The following TRPM1 variants were observed in gnomAD, a reference collection of about 807,000 sequenced individuals.
The protein encoded by TRPM1 is transient receptor potential cation channel subfamily M member 1.
A neutral mutation model predicts 149.4 loss-of-function variants in TRPM1; 113 were observed. The ratio of observed to expected loss-of-function variants is 0.76; its 90% confidence interval spans 0.65 to 0.88. The LOEUF is 0.88. Ranked by LOEUF, TRPM1 falls within the 40% of genes least tolerant of loss-of-function variation. TRPM1 has a pLI of 0.00. For synonymous variants in TRPM1, 741 were observed against 759.5 expected, an observed-to-expected ratio of 0.98 and a Z score of 0.40; for missense variants, 1,976 against 2,038.7, an observed-to-expected ratio of 0.97 and a Z score of 0.59.
At chr15:31,142,798 T>C (rs1207062589) in intron 1 of TRPM1, among the ~76,000 whole-genome samples, 2 of 152,192 alleles carry the variant, frequency 1.3e-5, no homozygotes, top group Admixed American at 6.5e-5. Flanking sequence ...TTAGACTTAT[T>C]TGATATGTTA....
intron 1 of TRPM1, among the ~76,000 whole-genome samples, chr15:31,153,022 G>A (rs1460467132): frequency 6.6e-6 from 1 of 152,192 alleles, no homozygotes; most frequent in East Asian, 1.9e-4. Flanking sequence ...ATGACAGATA[G>A]CAGGCCCTGA....
At chr15:31,042,297 A>G in intron 16 of TRPM1, 54 bp from the exon 17 acceptor site, 5 of 1,540,050 alleles carry the variant, frequency 3.2e-6, no homozygotes, top group Non-Finnish European at 4.4e-6. Context: ...TGCAACAAAG[A>G]GTTCCAGAAC....
intron 1 of TRPM1, among the ~76,000 whole-genome samples, chr15:31,147,462 G>C (rs1188718408): frequency 1.3e-5 from 2 of 152,226 alleles, no homozygotes; most frequent in Admixed American, 6.5e-5. Context: ...GAATTTTCTA[G>C]TGAAGAGGCA....
At position 31,027,094 on chromosome 15, in the gene TRPM1, G is replaced by C. The variant is rs777337578; in HGVS notation, c.3317C>G (p.Ser1106Ter). ...GAACTTCCACACCTGGTTGGATATT[G>C]ATTTTACTTCAAAGAAGGTATTGCT... is the stretch of plus-strand genomic sequence containing the variant. ...VFNNTFFEVKSISNQVWKFQR... is the reference protein window; with the variant it reads ...VFNNTFFEVK Residue 1106 changes from serine to a stop codon, truncating the protein, a stop_gained, in exon 26 of 28, where the codon TCA becomes TGA. Coordinates refer to ENST00000256552, the MANE Select transcript of TRPM1 (RefSeq NM_001252024.2). LOFTEE classifies it high-confidence loss of function. The C allele has an allele frequency of 6.2e-7, 1 of 1,614,126 alleles. No homozygotes were observed. Among genetic ancestry groups the C allele is most frequent in the South Asian group, 1.1e-5 (1 of 91,080 alleles).
At chr15:31,082,925 T>C (rs2034900866) in intron 1 of TRPM1, among the ~76,000 whole-genome samples, 2 of 151,648 alleles carry the variant, frequency 1.3e-5, no homozygotes, top group African/African-American at 4.9e-5. Context: ...TGAAGGGTCA[T>C]GGGGGGCTTT....
chr15:31,082,927 G>A (rs1343404378), intron 1 of TRPM1, among the ~76,000 whole-genome samples: 1 of 152,106 alleles, frequency 6.6e-6, no homozygotes, highest in African/African-American at 2.4e-5. Flanking sequence ...AAGGGTCATG[G>A]GGGGCTTTAA....
intron 1 of TRPM1, among the ~76,000 whole-genome samples, chr15:31,125,505 C>T (rs530998095): frequency 1.3e-5 from 2 of 150,680 alleles, no homozygotes; most frequent in East Asian, 2.0e-4. Flanking sequence ...CCGAGGCGGG[C>T]GGATCACGAG....
Position 31,069,847 on chromosome 15 carries a change from A to G in TRPM1, c.279+184T>C, listed in dbSNP as rs776927303. ...CTAGATGTTCTTTACAGTGGTGTCC[A>G]GTTTCCAAGCCTCATGGCTAAAAGC... On this transcript the variant is annotated intron_variant, in intron 4 of 27. Transcript: ENST00000256552. 3.2e-5 allele frequency: 50 copies of G among 1,555,900 alleles called. 1 individual carries two copies. In the Admixed American group the frequency reaches 8.6e-4, roughly 27 times the overall value.
At chr15:31,019,412 T>C (rs570926679) in intron 27 of TRPM1, among the ~76,000 whole-genome samples, 14 of 152,308 alleles carry the variant, frequency 9.2e-5, no homozygotes, top group African/African-American at 2.9e-4. Flanking sequence ...TTTTTTTTGT[T>C]TGTTTTTGAG....
At chr15:31,078,660 G>A (rs565040135) in intron 2 of TRPM1, among the ~76,000 whole-genome samples, 6 of 152,282 alleles carry the variant, frequency 3.9e-5, no homozygotes, top group South Asian at 2.1e-4. Flanking sequence ...CTGAAGCCCC[G>A]CCCTGCCCTT....
At chr15:31,142,083 T>A (rs990293050) in intron 1 of TRPM1, among the ~76,000 whole-genome samples, 7 of 152,130 alleles carry the variant, frequency 4.6e-5, no homozygotes, top group South Asian at 2.1e-4. Context: ...TAAATGAAAA[T>A]TTTTAAAAAG....
At chr15:31,090,117 A>G (rs545418631) in intron 1 of TRPM1, among the ~76,000 whole-genome samples, 1 of 152,300 alleles carries the variant, frequency 6.6e-6, no homozygotes, top group East Asian at 1.9e-4. Flanking sequence ...AGTAACCCCC[A>G]TGAACACTGG....
Position 31,062,701 on chromosome 15 carries a change from T to C in TRPM1, c.967A>G (p.Ile323Val). The C allele has an allele frequency of 6.2e-7, 1 of 1,613,932 alleles. No homozygotes were observed. Among genetic ancestry groups the C allele is most frequent in the Non-Finnish European group, 8.5e-7 (1 of 1,179,992 alleles). Residue 323 changes from isoleucine to valine, a missense_variant and splice_region_variant, in exon 9 of 28, where the codon ATA becomes GTA. Physicochemically the swap from Ile to Val is conservative, Grantham distance 29. This residue lies in a region of TRPM1 where 1,332 missense variants were observed against 1,347.1 expected (regional missense o/e 0.99). Transcript: ENST00000256552. ...FAHKYCEEGG[I>V]INESLREQLL... ...TGCTCCCTGAGGGACTCATTTATTA[T>C]TCTGTTCAAAGAAAATGCAAGAGAA...
upstream of TRPM1, among the ~76,000 whole-genome samples, chr15:31,105,500 G>A (rs375476784): frequency 5.3e-5 from 8 of 152,032 alleles, no homozygotes; most frequent in East Asian, 1.2e-3. Context: ...CATCTGTAAA[G>A]AAAATGCATC....
At chr15:31,109,192 C>A (rs1333302721) in intron 1 of TRPM1, among the ~76,000 whole-genome samples, 1 of 151,728 alleles carries the variant, frequency 6.6e-6, no homozygotes, top group African/African-American at 2.4e-5. Flanking sequence ...TAATGGGCCA[C>A]GTGAGGTGGC....
At chr15:31,114,445 C>G (rs1201042960) in intron 1 of TRPM1, among the ~76,000 whole-genome samples, 1 of 152,140 alleles carries the variant, frequency 6.6e-6, no homozygotes, top group African/African-American at 2.4e-5. Context: ...GATTCCATAT[C>G]TTGCTGAAAG....
chr15:31,047,012 G>A (rs2033784672), intron 15 of TRPM1, 99 bp downstream of exon 15: 4 of 1,528,120 alleles, frequency 2.6e-6, no homozygotes, highest in African/African-American at 1.4e-5. Context: ...GGGACAGGGC[G>A]AAGGGCTTGG....
At chr15:31,090,044 A>G (rs904949790) in intron 1 of TRPM1, among the ~76,000 whole-genome samples, 4 of 152,244 alleles carry the variant, frequency 2.6e-5, no homozygotes, top group African/African-American at 9.6e-5. Flanking sequence ...AATTAAAAGT[A>G]TACGGAAATA....
At chr15:31,139,458 C>G (rs2036130804) in intron 1 of TRPM1, among the ~76,000 whole-genome samples, 1 of 152,090 alleles carries the variant, frequency 6.6e-6, no homozygotes, top group Non-Finnish European at 1.5e-5. Context: ...TAAGATCTGC[C>G]TCTGTCTGTG....
Sources: gnomAD v4.1 joint callset for allele counts (sites outside exome capture counted in the v4.1 genomes callset) on GRCh38, gnomAD v4.1.1 for gene constraint, gnomAD v4.1.1 regional missense constraint, MANE v1.5 for transcripts, NCBI Gene and HGNC (gene_info 2026-07-23, HGNC 2026-07-21) for gene names.